Variants in SVOPL observed in about 807,000 individuals in gnomAD.
SVOPL encodes putative transporter SVOPL.
In SVOPL, 60 loss-of-function variants were observed where a neutral mutation model predicts 61.0. The ratio of observed to expected loss-of-function variants is 0.98; its 90% CI spans 0.80 to 1.22. SVOPL has a LOEUF of 1.22. Among genes scored for constraint, SVOPL ranks in the 50% most tolerant of loss-of-function variants. The probability of loss-of-function intolerance (pLI) is 0.00; values close to 1 mark genes in which losing one functional copy is unlikely to be tolerated. For missense variants in SVOPL, 662 were observed against 643.9 expected, an observed-to-expected ratio of 1.03 and a Z score of -0.30; for synonymous variants, 279 against 250.0, an observed-to-expected ratio of 1.12 and a Z score of -1.09.
At chr7:138,646,688 T>G (rs1254439486) in intron 8 of SVOPL, among the ~76,000 whole-genome samples, 3 of 152,026 alleles carry the variant, frequency 2.0e-5, no homozygotes, top group African/African-American at 7.2e-5. Flanking sequence ...CCAGCTAAAA[T>G]TTTTATTTTT....
chr7:138,626,097 A>C, intron 12 of SVOPL, 47 bp from the exon 13 acceptor site: 2 of 1,564,238 alleles, frequency 1.3e-6, no homozygotes, highest in Non-Finnish European at 1.8e-6. Context: ...AGCATGGAGG[A>C]CCACCTCCAG....
chr7:138,655,338 T>A (rs1339801582), intron 7 of SVOPL, among the ~76,000 whole-genome samples: 1 of 152,054 alleles, frequency 6.6e-6, no homozygotes, highest in Non-Finnish European at 1.5e-5. Context: ...ACCCCATCTC[T>A]ACCAAAAATA....
chr7:138,602,460 T>C (rs960557064), intron 14 of SVOPL, among the ~76,000 whole-genome samples: 6 of 19,370 alleles, frequency 3.1e-4, no homozygotes, highest in African/African-American at 1.5e-3. Flanking sequence ...TATATATATA[T>C]ATATATATAT....
At chr7:138,663,388 C>A in intron 4 of SVOPL, 4 of 1,385,058 alleles carry the variant, frequency 2.9e-6, no homozygotes, top group Non-Finnish European at 2.8e-6. Context: ...TCCTCTGCCG[C>A]CCGCTTGTTG....
chr7:138,635,237 A>G (rs1348106488), intron 9 of SVOPL, among the ~76,000 whole-genome samples: 1 of 150,488 alleles, frequency 6.6e-6, no homozygotes, highest in Non-Finnish European at 1.5e-5. Context: ...GCACCATTGC[A>G]CTCCAGCCTG....
At chr7:138,622,586 C>T (rs1463017081) in intron 13 of SVOPL, among the ~76,000 whole-genome samples, 4 of 151,944 alleles carry the variant, frequency 2.6e-5, no homozygotes, top group South Asian at 2.1e-4. Context: ...GGATTACAGG[C>T]GTGAGCCACC....
At chr7:138,657,005 G>A (rs565045068) in intron 6 of SVOPL, among the ~76,000 whole-genome samples, 5 of 151,276 alleles carry the variant, frequency 3.3e-5, no homozygotes, top group Admixed American at 3.3e-4. Flanking sequence ...TTGTGCCATT[G>A]CACTCCAGCA....
Position 138,683,417 on chromosome 7 carries a change from G to T in SVOPL, c.-34-4338C>A, listed in dbSNP as rs554733104. 2.8e-4 allele frequency among the ~76,000 whole-genome samples: 43 copies of T among 152,120 alleles called. 1 individual carries two copies. In the East Asian group the frequency reaches 7.9e-3, roughly 28 times the overall value. On this transcript the variant is annotated intron_variant, in intron 1 of 15. Coordinates refer to ENST00000674285, the MANE Select transcript of SVOPL (RefSeq NM_001139456.2). The stretch of plus-strand genomic sequence containing the variant: ...GAGTTTTGCTCTTTTGCCCAGGCTG[G>T]GGTGCAGTGGCGGGATCTCATCTCA...
At chr7:138,674,027 A>T (rs907194686) in intron 3 of SVOPL, among the ~76,000 whole-genome samples, 4 of 151,968 alleles carry the variant, frequency 2.6e-5, no homozygotes, top group Non-Finnish European at 5.9e-5. Flanking sequence ...TCTACTAAAA[A>T]TACAAAATAA....
At chr7:138,632,247 C>T (rs1800238329) in intron 9 of SVOPL, among the ~76,000 whole-genome samples, 3 of 152,224 alleles carry the variant, frequency 2.0e-5, no homozygotes, top group South Asian at 4.1e-4. Context: ...GCCTGGCCAA[C>T]ATGGTAAAAC....
intron 13 of SVOPL, among the ~76,000 whole-genome samples, chr7:138,623,683 C>A (rs1208391790): frequency 6.6e-6 from 1 of 152,150 alleles, no homozygotes; most frequent in East Asian, 1.9e-4. Flanking sequence ...GACTGTACAT[C>A]CCAAATGCAG....
At chr7:138,625,548 A>T (rs886578694) in intron 13 of SVOPL, among the ~76,000 whole-genome samples, 3 of 152,234 alleles carry the variant, frequency 2.0e-5, no homozygotes, top group Non-Finnish European at 4.4e-5. Flanking sequence ...ATAAATCAAG[A>T]TTATATTTAA....
At chr7:138,615,615 T>G in intron 14 of SVOPL, among the ~76,000 whole-genome samples, 2 of 48,118 alleles carry the variant, frequency 4.2e-5, no homozygotes, top group Non-Finnish European at 9.1e-5. Flanking sequence ...GCCAACATGG[T>G]AAAATCCCAT....
At chr7:138,648,363 C>T (rs1801229464) in intron 8 of SVOPL, among the ~76,000 whole-genome samples, 1 of 151,926 alleles carries the variant, frequency 6.6e-6, no homozygotes, top group South Asian at 2.1e-4. Flanking sequence ...GTAATCCCAG[C>T]ACTTTGTGCC....
chr7:138,647,131 T>C (rs533909303), intron 8 of SVOPL, among the ~76,000 whole-genome samples: 13 of 152,152 alleles, frequency 8.5e-5, no homozygotes, highest in Non-Finnish European at 1.8e-4. Flanking sequence ...ATCCCAGCAC[T>C]TTGGGAGGCC....
intron 4 of SVOPL, among the ~76,000 whole-genome samples, chr7:138,671,242 A>G (rs2117108042): frequency 6.6e-6 from 1 of 152,284 alleles, no homozygotes. Context: ...AAACAACGTG[A>G]TACTGCTTGT....
chr7:138,661,085 T>C, intron 5 of SVOPL: 1 of 985,358 alleles, frequency 1.0e-6, no homozygotes, highest in East Asian at 1.1e-4. Flanking sequence ...CAAGAATCTA[T>C]GCTATTTATT....
intron 14 of SVOPL, among the ~76,000 whole-genome samples, chr7:138,604,582 G>T (rs909643008): frequency 6.7e-6 from 1 of 149,460 alleles, no homozygotes; most frequent in Non-Finnish European, 1.5e-5. Flanking sequence ...GGAGGCTGAG[G>T]CAGGAGAGTC....
At chr7:138,621,862 C>T (rs150178904) in intron 13 of SVOPL, among the ~76,000 whole-genome samples, 1 of 41,184 alleles carries the variant, frequency 2.4e-5, no homozygotes, top group Admixed American at 2.8e-4. Context: ...ATCTATCTAT[C>T]TATCTATCTA....
Sources: allele counts gnomAD v4.1 joint callset (sites outside exome capture counted in the v4.1 genomes callset), GRCh38; gene constraint gnomAD v4.1.1; transcripts MANE v1.5; gene names NCBI Gene and HGNC (gene_info 2026-07-23, HGNC 2026-07-21).